The following GCLC variants were observed in gnomAD, a reference collection of about 807,000 sequenced individuals.
The protein encoded by GCLC is glutamate--cysteine ligase catalytic subunit.
Under a neutral mutation model 81.5 loss-of-function variants are expected in GCLC, and 30 were observed. The ratio of observed to expected loss-of-function variants is 0.37; its 90% confidence interval spans 0.28 to 0.50. The LOEUF is 0.50. Ranked by LOEUF, GCLC falls within the 20% of genes least tolerant of loss-of-function variation. The pLI is 0.96. For missense variants in GCLC, 556 were observed against 777.4 expected, an observed-to-expected ratio of 0.72 and a Z score of 3.39; for synonymous variants, 262 against 273.3, an observed-to-expected ratio of 0.96 and a Z score of 0.41.
At chr6:53,500,584 T>C in intron 12 of GCLC, 71 bp from the exon 13 acceptor site, 1 of 1,054,404 alleles carries the variant, frequency 9.5e-7, no homozygotes, top group Non-Finnish European at 1.5e-6. Flanking sequence ...AGCACCTTCC[T>C]CACCTTTGCA....
chr6:53,501,358 CAGA>C (rs991528213), intron 12 of GCLC: 4 of 152,300 alleles, frequency 2.6e-5, no homozygotes, highest in Admixed American at 6.5e-5. Context: ...CTCCCAAGGG[CAGA>C]AGATCACTGC....
chr6:53,521,649 G>A (rs935149819), intron 2 of GCLC, among the ~76,000 whole-genome samples: 2 of 151,942 alleles, frequency 1.3e-5, no homozygotes, highest in African/African-American at 4.8e-5. Flanking sequence ...TCCCCTCCCC[G>A]TCTCTGTCTA....
intron 1 of GCLC, among the ~76,000 whole-genome samples, chr6:53,528,072 G>A (rs1357242308): frequency 1.3e-5 from 2 of 152,194 alleles, no homozygotes; most frequent in African/African-American, 2.4e-5. Flanking sequence ...CAACCATCAA[G>A]TTGGATGGCA....
chr6:53,538,365 C>T (rs1325932534), intron 1 of GCLC, among the ~76,000 whole-genome samples: 4 of 150,858 alleles, frequency 2.7e-5, no homozygotes, highest in Admixed American at 6.6e-5. Context: ...CTCGCTCTGC[C>T]GCCCAGGCTG....
At chr6:53,507,666 G>A in intron 8 of GCLC, 48 bp from the exon 9 acceptor site, 2 of 780,516 alleles carry the variant, frequency 2.6e-6, no homozygotes, top group Non-Finnish European at 2.0e-6. Flanking sequence ...TAAAATGAGT[G>A]GAATATATTT....
intron 1 of GCLC, among the ~76,000 whole-genome samples, chr6:53,534,690 G>C (rs1763230328): frequency 6.6e-6 from 1 of 152,102 alleles, no homozygotes; most frequent in South Asian, 2.1e-4. Flanking sequence ...AAGAGATGGA[G>C]CTGAAGGTCC....
At chr6:53,521,990 A>C (rs2127625484) in intron 2 of GCLC, among the ~76,000 whole-genome samples, 1 of 152,350 alleles carries the variant, frequency 6.6e-6, no homozygotes, top group African/African-American at 2.4e-5. Flanking sequence ...AAATCATGCC[A>C]GCCAAACAAA....
In GCLC at chr6:53,522,404, T is replaced by G; in HGVS notation, c.263+11A>C. 1.7e-4 allele frequency: 249 copies of G among 1,452,130 alleles called. No homozygotes were observed. Among genetic ancestry groups the G allele is most frequent in the Non-Finnish European group, 2.2e-4 (229 of 1,031,920 alleles). The allele number at this position is 1,452,130 out of a possible 1,614,324, so 90.0% of individuals were successfully genotyped here. On this transcript the variant is annotated intron_variant, in intron 2 of 15. Coordinates refer to ENST00000650454, the MANE Select transcript of GCLC (RefSeq NM_001498.4). ...GTTTCAGAAACACTAAATCAGCACA[T>G]GAGAGCTTACTTTGGGTTTGTCCTT...
At chr6:53,499,144 G>A (rs896324534) in intron 15 of GCLC, among the ~76,000 whole-genome samples, 177 bp from the exon 16 acceptor site, 1 of 152,096 alleles carries the variant, frequency 6.6e-6, no homozygotes, top group Non-Finnish European at 1.5e-5. Flanking sequence ...AACTCCTCCT[G>A]GGCAGGAATT....
intron 1 of GCLC, among the ~76,000 whole-genome samples, chr6:53,525,367 G>A (rs759458636): frequency 2.0e-5 from 3 of 152,238 alleles, no homozygotes; most frequent in Middle Eastern, 3.4e-3. Flanking sequence ...GGGGTTTGAC[G>A]CAATAACCGA....
intron 4 of GCLC, among the ~76,000 whole-genome samples, chr6:53,515,781 G>A (rs534183907): frequency 2.8e-4 from 29 of 103,560 alleles, no homozygotes; most frequent in Admixed American, 4.3e-4. Flanking sequence ...AAATAACTAA[G>A]AGAAAAAAAA....
intron 8 of GCLC, 27 bp downstream of exon 8, chr6:53,508,568 G>A: frequency 7.8e-7 from 1 of 1,287,942 alleles, no homozygotes; most frequent in Non-Finnish European, 1.1e-6. Context: ...TGACTTAAAA[G>A]GGCTATTAAG....
At chr6:53,532,356 G>A (rs115128978) in intron 1 of GCLC, among the ~76,000 whole-genome samples, 2,195 of 152,338 alleles carry the variant, frequency 0.014, 25 homozygotes, top group Middle Eastern at 0.085. Flanking sequence ...AAATGACCGA[G>A]TCTGCAGGAA....
intron 1 of GCLC, among the ~76,000 whole-genome samples, chr6:53,540,764 A>C (rs1763340328): frequency 6.6e-6 from 1 of 151,988 alleles, no homozygotes; most frequent in Non-Finnish European, 1.5e-5. Flanking sequence ...CATGACCTGC[A>C]GTCTGAAAAA....
At chr6:53,508,340 G>A (rs1764659516) in intron 8 of GCLC, among the ~76,000 whole-genome samples, 1 of 152,070 alleles carries the variant, frequency 6.6e-6, no homozygotes, top group Non-Finnish European at 1.5e-5. Flanking sequence ...CACTCATGTG[G>A]CACCAAAAAG....
intron 1 of GCLC, 121 bp downstream of exon 1, chr6:53,544,375 G>A: frequency 9.9e-7 from 1 of 1,009,666 alleles, no homozygotes; most frequent in Non-Finnish European, 1.5e-6. Context: ...AGGCGCTCGA[G>A]GACCCCCGGG....
chr6:53,509,874 G>C (rs184645858), intron 6 of GCLC: 1 of 155,788 alleles, frequency 6.4e-6, no homozygotes, highest in Non-Finnish European at 1.4e-5. Flanking sequence ...GGATGGTCTC[G>C]ATCTCCTGAC....
chr6:53,505,203 T>G, intron 12 of GCLC, 189 bp downstream of exon 12: 1 of 564,562 alleles, frequency 1.8e-6, no homozygotes, highest in Non-Finnish European at 3.2e-6. Context: ...ATCAATCATC[T>G]TGAATGGAAA....
At chr6:53,538,412 C>T (rs1381881958) in intron 1 of GCLC, among the ~76,000 whole-genome samples, 8 of 151,448 alleles carry the variant, frequency 5.3e-5, no homozygotes, top group South Asian at 2.1e-4. Flanking sequence ...CTGCAAGATC[C>T]GCCTCCCGGG....
Sources: allele counts gnomAD v4.1 joint callset (sites outside exome capture counted in the v4.1 genomes callset), GRCh38; gene constraint gnomAD v4.1.1; transcripts MANE v1.5; gene names NCBI Gene and HGNC (gene_info 2026-07-23, HGNC 2026-07-21).